Variants in SDK1 observed in about 807,000 individuals in gnomAD.
SDK1 encodes protein sidekick-1.
In SDK1, 157 loss-of-function variants were observed where a neutral mutation model predicts 245.5. The observed-to-expected ratio is 0.64, with a 90% CI of 0.56 to 0.73. The LOEUF is 0.73. SDK1 is among the 30% of genes least tolerant of loss of function. The pLI is 0.00. For synonymous variants in SDK1, 1,647 were observed against 1,278.5 expected (o/e 1.29, Z -6.15); for missense variants, 3,583 against 3,002.3 (o/e 1.19, Z -4.52).
chr7:4,245,923 G>A, intron 44 of SDK1, 118 bp downstream of exon 44: 1 of 1,263,068 alleles, frequency 7.9e-7, no homozygotes, highest in Non-Finnish European at 1.1e-6. Context: ...CACAGGCAGA[G>A]CCAAGGACAA....
chr7:3,987,390 T>A (rs1476619409), intron 14 of SDK1, 68 bp downstream of exon 14: 2 of 1,527,364 alleles, frequency 1.3e-6, no homozygotes, highest in East Asian at 2.2e-5. Flanking sequence ...TTAATGTCCT[T>A]AACCTTTACT....
chr7:3,357,602 C>T (rs985871448), intron 1 of SDK1, among the ~76,000 whole-genome samples: 12 of 151,902 alleles, frequency 7.9e-5, no homozygotes, highest in Non-Finnish European at 1.5e-4. Context: ...CCTCCCTTGG[C>T]CTCCCGAAGT....
chr7:4,242,057 A>T, intron 43 of SDK1, 144 bp downstream of exon 43: 3 of 920,274 alleles, frequency 3.3e-6, no homozygotes, highest in South Asian at 3.3e-5. Flanking sequence ...TGCGCTCCCA[A>T]ACCACCAGGG....
chr7:3,621,764 G>A (rs1781948844), intron 2 of SDK1, among the ~76,000 whole-genome samples: 1 of 152,172 alleles, frequency 6.6e-6, no homozygotes, highest in African/African-American at 2.4e-5. Context: ...GAGTAAGACA[G>A]AGTAATATCA....
chr7:3,329,725 A>G (rs894371555), intron 1 of SDK1, among the ~76,000 whole-genome samples: 4 of 152,206 alleles, frequency 2.6e-5, no homozygotes, highest in African/African-American at 9.6e-5. Context: ...GCATTGGTGC[A>G]TTCTACATCT....
chr7:3,358,482 A>G lies in SDK1; in HGVS notation c.298+56598A>G, dbSNP rs143093158. On this transcript the variant is annotated intron_variant, in intron 1 of 44. Coordinates refer to ENST00000404826, the MANE Select transcript of SDK1 (RefSeq NM_152744.4). Reference sequence around the variant, plus strand: ...TCTCTTTTCTTTTTTTCCCCCAGCTACTGCTCCTCGCAGAGCAGGGCTAAC... The same window carrying G: ...TCTCTTTTCTTTTTTTCCCCCAGCTGCTGCTCCTCGCAGAGCAGGGCTAAC... 8.1e-3 allele frequency among the ~76,000 whole-genome samples: 1,196 copies of G among 148,076 alleles called. 16 individuals are homozygous for G. The highest frequency in any genetic ancestry group is 0.029 in the African/African-American group (1,164 of 40,160).
intron 22 of SDK1, among the ~76,000 whole-genome samples, chr7:4,089,629 G>A (rs73304704): frequency 0.035 from 5,351 of 152,292 alleles, 286 homozygotes; most frequent in African/African-American, 0.11. Context: ...GGGAAGCTCC[G>A]TCACGTGGAG....
intron 35 of SDK1, among the ~76,000 whole-genome samples, chr7:4,187,564 C>A (rs1272976357): frequency 6.6e-6 from 1 of 152,138 alleles, no homozygotes; most frequent in Admixed American, 6.5e-5. Context: ...TATTATTTTC[C>A]TAGATGGGCT....
chr7:3,423,583 T>C (rs889399065), intron 1 of SDK1, among the ~76,000 whole-genome samples: 1 of 152,024 alleles, frequency 6.6e-6, no homozygotes, highest in Non-Finnish European at 1.5e-5. Flanking sequence ...TTTTTTTTTT[T>C]TCAGTTTTGT....
rs191627488 is a variant in SDK1 at position 3,989,802 on chromosome 7, G to A, written c.2131+2480G>A. Among the ~76,000 whole-genome samples the A allele has an allele frequency of 5.9e-5, 9 of 152,234 alleles. No homozygotes were observed. In the East Asian group the frequency reaches 1.2e-3, roughly 20 times the overall value. ...CTCCTAATTACCTTTCTACACCCTC[G>A]CCCTTCCCTGGGGGTTCCCTTCTGA... On this transcript the variant is annotated intron_variant, in intron 14 of 44. Coordinates refer to ENST00000404826, the MANE Select transcript of SDK1 (RefSeq NM_152744.4).
chr7:3,491,928 T>G (rs890010535), intron 1 of SDK1, among the ~76,000 whole-genome samples: 3 of 152,240 alleles, frequency 2.0e-5, no homozygotes, highest in African/African-American at 7.2e-5. Context: ...GACCACTGTT[T>G]AGCTGATACA....
At chr7:3,453,478 C>G (rs150617955) in intron 1 of SDK1, among the ~76,000 whole-genome samples, 1 of 152,142 alleles carries the variant, frequency 6.6e-6, no homozygotes, top group East Asian at 1.9e-4. Context: ...TCTGGTGGAC[C>G]CTAAATGCCA....
chr7:3,943,607 CA>C (rs1395145259), intron 5 of SDK1, among the ~76,000 whole-genome samples: 2 of 151,374 alleles, frequency 1.3e-5, no homozygotes, highest in Non-Finnish European at 2.9e-5. Flanking sequence ...GACCGCTCCC[CA>C]ACCCGGCGCA....
At chr7:3,611,875 G>T (rs1431754291) in intron 1 of SDK1, among the ~76,000 whole-genome samples, 1 of 152,108 alleles carries the variant, frequency 6.6e-6, no homozygotes, top group Non-Finnish European at 1.5e-5. Flanking sequence ...TACACTGGTG[G>T]TGAGAATGTA....
chr7:3,889,124 C>T (rs376938369), intron 5 of SDK1, among the ~76,000 whole-genome samples: 70 of 152,210 alleles, frequency 4.6e-4, no homozygotes, highest in African/African-American at 1.6e-3. Flanking sequence ...ACTCTTAAGG[C>T]TGATAAAAAT....
chr7:4,186,804 C>A (rs890446762), intron 35 of SDK1, among the ~76,000 whole-genome samples: 33 of 152,126 alleles, frequency 2.2e-4, no homozygotes, highest in African/African-American at 7.2e-4. Flanking sequence ...CTCCTGGGCC[C>A]GTATAGACAG....
At chr7:4,030,659 T>C (rs2342490) in intron 17 of SDK1, among the ~76,000 whole-genome samples, 47,067 of 152,178 alleles carry the variant, frequency 0.31, 11,253 homozygotes, top group African/African-American at 0.67. Flanking sequence ...GGCACCAACA[T>C]TCAGGTGATT....
At chr7:3,499,588 C>T (rs1483850101) in intron 1 of SDK1, among the ~76,000 whole-genome samples, 1 of 152,140 alleles carries the variant, frequency 6.6e-6, no homozygotes, top group African/African-American at 2.4e-5. Context: ...ACTAACCACC[C>T]CATTGTTGTT....
At chr7:4,090,645 T>G (rs2128183389) in intron 22 of SDK1, among the ~76,000 whole-genome samples, 1 of 152,338 alleles carries the variant, frequency 6.6e-6, no homozygotes, top group South Asian at 2.1e-4. Flanking sequence ...CAACTCATCT[T>G]GTTCTTTCTC....
Sources: gnomAD v4.1 joint callset for allele counts (sites outside exome capture counted in the v4.1 genomes callset) on GRCh38, gnomAD v4.1.1 for gene constraint, MANE v1.5 for transcripts, NCBI Gene and HGNC (gene_info 2026-07-23, HGNC 2026-07-21) for gene names.